Variants in RAF1 observed in about 807,000 individuals in gnomAD.
RAF1 encodes RAF proto-oncogene serine/threonine-protein kinase.
A neutral mutation model predicts 81.1 loss-of-function variants in RAF1; 27 were observed. The ratio of observed to expected loss-of-function variants is 0.33; its 90% CI spans 0.25 to 0.46. The LOEUF is 0.46. Among genes scored for constraint, RAF1 ranks in the 20% least tolerant of loss-of-function variants. The pLI is 1.00. For missense variants in RAF1, 598 were observed against 826.0 expected, an observed-to-expected ratio of 0.72 and a Z score of 3.38; for synonymous variants, 298 against 294.0, an observed-to-expected ratio of 1.01 and a Z score of -0.14.
At chr3:12,593,793 T>TTTC (rs1448943261) in intron 11 of RAF1, among the ~76,000 whole-genome samples, 2 of 149,040 alleles carry the variant, frequency 1.3e-5, no homozygotes, top group African/African-American at 4.9e-5. Context: ...ATCCTTTTTT[T>TTTC]TTTTTTTTTT....
At position 12,630,058 on chromosome 3, in the gene RAF1, T is replaced by C. The variant is rs188760178; in HGVS notation, c.-26-11311A>G. 9.9e-5 allele frequency among the ~76,000 whole-genome samples: 15 copies of C among 152,280 alleles called. No homozygotes were observed. In the East Asian group the frequency reaches 2.7e-3, roughly 27 times the overall value. On this transcript the variant is annotated intron_variant, in intron 1 of 17. Transcript: ENST00000442415. ...CAGCCTCCCCAAAGTGCTAGGATTA[T>C]AGGCGTAAGCCACTACACCTGGCCT...
At chr3:12,655,433 G>A (rs2060661783) in intron 1 of RAF1, among the ~76,000 whole-genome samples, 1 of 152,250 alleles carries the variant, frequency 6.6e-6, no homozygotes, top group Non-Finnish European at 1.5e-5. Context: ...ACAAGTGTTG[G>A]AAAAGATGTG....
rs1442858374 is a variant in RAF1, at chr3:12,583,687, A to AAATT, written c.*823_*826dup. 1.3e-5 allele frequency: 3 copies of AAATT among 233,340 alleles called. No individual in the cohort carries two copies. Among genetic ancestry groups the AAATT allele is most frequent in the African/African-American group, 4.4e-5 (2 of 45,340 alleles). The allele number at this position is 233,340 out of a possible 1,614,324, so 14.5% of individuals were successfully genotyped here. On this transcript the variant is annotated 3_prime_UTR_variant, in exon 18 of 18. Transcript: ENST00000442415. ...TATTTTGTCAGGTGCAATAAAAACA[A>AAATT]AATTAAAACCCAAATCATCAAGAAA... is the stretch of plus-strand genomic sequence containing the variant.
chr3:12,659,388 A>G (rs1170112757), intron 1 of RAF1, among the ~76,000 whole-genome samples: 2 of 128,634 alleles, frequency 1.6e-5, no homozygotes, highest in African/African-American at 2.9e-5. Flanking sequence ...AGATCACACC[A>G]CTGCACTCCA....
At position 12,609,758 on chromosome 3, in the gene RAF1, G is replaced by A. The variant is rs534570890; in HGVS notation, c.321-423C>T. Among the ~76,000 whole-genome samples the A allele has an allele frequency of 2.6e-5, 4 of 152,256 alleles. No individual in the cohort carries two copies. In the East Asian group the frequency reaches 5.8e-4, roughly 22 times the overall value. On this transcript the variant is annotated intron_variant, in intron 3 of 17. Coordinates refer to ENST00000442415, the MANE Select transcript of RAF1 (RefSeq NM_001354689.3). ...AGCCTCCCAAAGTGCTGGGATTACA[G>A]GTGTGAACCACCATGTCTGGCCAGA...
At chr3:12,637,970 C>T (rs2060079527) in intron 1 of RAF1, among the ~76,000 whole-genome samples, 1 of 152,134 alleles carries the variant, frequency 6.6e-6, no homozygotes. Flanking sequence ...TTCATGATGG[C>T]CTGGCCCGTT....
chr3:12,618,770 G>A, intron 1 of RAF1, 23 bp from the exon 2 acceptor site: 3 of 1,569,570 alleles, frequency 1.9e-6, no homozygotes, highest in Non-Finnish European at 2.6e-6. Context: ...ACAAATAATT[G>A]TAACTCTAGA....
At chr3:12,608,724 T>A (rs2059115838) in intron 5 of RAF1, 42 bp downstream of exon 5, 1 of 1,596,726 alleles carries the variant, frequency 6.3e-7, no homozygotes, top group Non-Finnish European at 8.6e-7. Context: ...GTATGTATAC[T>A]CCTCATCCCT....
chr3:12,616,735 G>C (rs1415025734), intron 2 of RAF1, among the ~76,000 whole-genome samples: 2 of 152,066 alleles, frequency 1.3e-5, no homozygotes, highest in Non-Finnish European at 2.9e-5. Context: ...TCAGAACCTT[G>C]CTTCACCTGA....
intron 1 of RAF1, among the ~76,000 whole-genome samples, 164 bp downstream of exon 1, chr3:12,663,649 C>T (rs1488559674): frequency 3.3e-5 from 2 of 60,448 alleles, no homozygotes; most frequent in Admixed American, 2.0e-4. Context: ...CCGGGGCCCC[C>T]GCCCAACGCT....
chr3:12,585,821 T>C (rs370727533), intron 14 of RAF1, 22 bp from the exon 14 acceptor site: 3 of 1,547,050 alleles, frequency 1.9e-6, no homozygotes, highest in African/African-American at 1.4e-5. Flanking sequence ...TTAAGGACTC[T>C]GGTTTCAAAA....
intron 1 of RAF1, among the ~76,000 whole-genome samples, chr3:12,622,614 G>GT: frequency 6.6e-6 from 1 of 152,156 alleles, no homozygotes; most frequent in Non-Finnish European, 1.5e-5. Context: ...AATTAATACT[G>GT]TTTCATTTTC....
intron 13 of RAF1, chr3:12,588,022 G>A (rs1187436513): frequency 7.2e-6 from 1 of 139,092 alleles, no homozygotes; most frequent in East Asian, 2.0e-4. Flanking sequence ...GCCCAAGCTG[G>A]TCTTGACTCC....
chr3:12,609,111 G>T (rs2059129490), intron 4 of RAF1, 122 bp downstream of exon 4: 1 of 1,037,190 alleles, frequency 9.6e-7, no homozygotes, highest in Non-Finnish European at 1.5e-6. Context: ...GTAAACAACA[G>T]CATAAAGAAC....
chr3:12,591,337 C>A (rs928515823), intron 12 of RAF1, among the ~76,000 whole-genome samples: 3 of 152,080 alleles, frequency 2.0e-5, no homozygotes, highest in Non-Finnish European at 4.4e-5. Flanking sequence ...GATTGGAAAG[C>A]TGACTGTTCT....
intron 11 of RAF1, among the ~76,000 whole-genome samples, chr3:12,595,258 G>A (rs574369857): frequency 6.6e-6 from 1 of 152,248 alleles, no homozygotes; most frequent in South Asian, 2.1e-4. Context: ...ATTTTTTGTA[G>A]AGACAAGGGT....
chr3:12,586,685 G>A (rs572990698), intron 14 of RAF1, among the ~76,000 whole-genome samples: 2 of 152,290 alleles, frequency 1.3e-5, no homozygotes, highest in African/African-American at 2.4e-5. Context: ...GGAAAGGCTC[G>A]TGGAGGGTGG....
chr3:12,649,258 T>C (rs2060447645), intron 1 of RAF1, among the ~76,000 whole-genome samples: 2 of 152,174 alleles, frequency 1.3e-5, no homozygotes. Context: ...AAATTACTTT[T>C]AACCAACTTT....
chr3:12,641,471 C>CA (rs541490913), intron 1 of RAF1, among the ~76,000 whole-genome samples: 1,937 of 143,270 alleles, frequency 0.014, 25 homozygotes, highest in Admixed American at 0.041. Context: ...ATGTCCCCCC[C>CA]AAAAAAAAAT....
Sources: allele counts gnomAD v4.1 joint callset (sites outside exome capture counted in the v4.1 genomes callset), GRCh38; gene constraint gnomAD v4.1.1; transcripts MANE v1.5; gene names NCBI Gene and HGNC (gene_info 2026-07-23, HGNC 2026-07-21).